Variants in GSDMC observed in about 807,000 individuals in gnomAD.
The protein encoded by GSDMC is gasdermin C, also known as gasdermin-C.
A neutral mutation model predicts 58.0 loss-of-function variants in GSDMC; 59 were observed. The ratio of observed to expected loss-of-function variants is 1.02; its 90% CI spans 0.82 to 1.26. The LOEUF is 1.26. Among genes scored for constraint, GSDMC ranks in the 50% most tolerant of loss-of-function variants. The probability of loss-of-function intolerance (pLI) is 0.00; values close to 1 mark genes in which losing one functional copy is unlikely to be tolerated. For synonymous variants in GSDMC, 241 were observed against 220.2 expected, an observed-to-expected ratio of 1.09 and a Z score of -0.83; for missense variants, 659 against 598.5, an observed-to-expected ratio of 1.10 and a Z score of -1.06.
At chr8:129,710,555 G>A in the GSDMC span, among the ~76,000 whole-genome samples, 1 of 152,184 alleles carries the variant, frequency 6.6e-6, no homozygotes, top group African/African-American at 2.4e-5. Context: ...TGGGTGTGGA[G>A]AGAAGAGAAA....
chr8:129,755,068 G>A (rs1397436329), intron 6 of GSDMC, among the ~76,000 whole-genome samples: 2 of 152,092 alleles, frequency 1.3e-5, no homozygotes, highest in African/African-American at 4.8e-5. Flanking sequence ...TAATATTAAA[G>A]AATTTCCCAA....
chr8:129,767,183 C>T (rs1271190261), intron 3 of GSDMC, among the ~76,000 whole-genome samples: 1 of 152,154 alleles, frequency 6.6e-6, no homozygotes, highest in East Asian at 1.9e-4. Context: ...ACAGGAAAGC[C>T]AGCCAGCAAC....
intron 1 of GSDMC, among the ~76,000 whole-genome samples, chr8:129,785,243 A>G (rs2034524641): frequency 6.6e-6 from 1 of 152,160 alleles, no homozygotes; most frequent in African/African-American, 2.4e-5. Context: ...ATTCGCAACA[A>G]CATAGAGGGG....
In GSDMC at chr8:129,749,480, T is replaced by C; in HGVS notation, c.1259A>G (p.Lys420Arg). Residue 420 changes from lysine (K) to arginine (R), a missense_variant, in exon 13 of 14, where the codon AAG (lysine) becomes AGG (arginine). Transcript: ENST00000276708. The stretch of plus-strand genomic sequence containing the variant: ...CTCCTGTTGCTGAAGCAGGATCCTC[T>C]TCTCCATGGAACAGGCCAGCAAATC... ...QHDLLACSME[K>R]RILLQQQELV... 6.2e-7 allele frequency: 1 copy of C among 1,613,872 alleles called. No individual in the cohort carries two copies. The highest frequency in any genetic ancestry group is 1.1e-5 in the South Asian group (1 of 91,084).
chr8:129,710,039 G>A, the GSDMC span, among the ~76,000 whole-genome samples: 4 of 152,224 alleles, frequency 2.6e-5, no homozygotes, highest in Non-Finnish European at 5.9e-5. Context: ...CACACAGTTG[G>A]TAATTAACAA....
chr8:129,709,419 G>C, the GSDMC span, among the ~76,000 whole-genome samples: 2 of 152,034 alleles, frequency 1.3e-5, no homozygotes, highest in South Asian at 4.2e-4. Flanking sequence ...TTTCCTTTTG[G>C]CCTCAAAAGG....
intron 3 of GSDMC, 66 bp downstream of exon 3, chr8:129,776,036 T>C: frequency 8.1e-7 from 1 of 1,231,584 alleles, no homozygotes; most frequent in Non-Finnish European, 1.1e-6. Flanking sequence ...AGATGTATTT[T>C]TGTGTTCAAG....
the GSDMC span, among the ~76,000 whole-genome samples, chr8:129,720,902 G>A: frequency 2.6e-5 from 4 of 152,134 alleles, no homozygotes; most frequent in East Asian, 1.9e-4. Flanking sequence ...AAGTGCAGTG[G>A]GAAACTGAAA....
chr8:129,709,284 ACTCAGTAAGT>A, the GSDMC span, among the ~76,000 whole-genome samples: 6 of 152,146 alleles, frequency 3.9e-5, no homozygotes, highest in South Asian at 1.0e-3. Flanking sequence ...GAATTTCTAA[ACTCAGTAAGT>A]CTCAGTAGTG....
chr8:129,738,458 T>A, the GSDMC span, among the ~76,000 whole-genome samples: 4 of 152,192 alleles, frequency 2.6e-5, no homozygotes, highest in Non-Finnish European at 5.9e-5. Context: ...ATATACAACA[T>A]GGAATACTAT....
intron 6 of GSDMC, among the ~76,000 whole-genome samples, chr8:129,755,342 C>A (rs2033385606): frequency 6.6e-6 from 1 of 152,060 alleles, no homozygotes; most frequent in Non-Finnish European, 1.5e-5. Context: ...AAAAAAAAAC[C>A]TTTTATCCTA....
intron 1 of GSDMC, among the ~76,000 whole-genome samples, chr8:129,783,726 A>G (rs1247114428): frequency 6.6e-6 from 1 of 152,194 alleles, no homozygotes; most frequent in Non-Finnish European, 1.5e-5. Context: ...TTCTTCACAG[A>G]AAGAGAAAAA....
intron 1 of GSDMC, among the ~76,000 whole-genome samples, chr8:129,779,862 A>G (rs1202244297): frequency 6.6e-6 from 1 of 152,118 alleles, no homozygotes; most frequent in African/African-American, 2.4e-5. Context: ...TTTTGAGGAC[A>G]CTCAAAGGAA....
intron 1 of GSDMC, among the ~76,000 whole-genome samples, chr8:129,782,173 A>G (rs1463595317): frequency 1.3e-5 from 2 of 152,210 alleles, no homozygotes; most frequent in Non-Finnish European, 2.9e-5. Flanking sequence ...GACACAAATG[A>G]TAATGCAAAC....
intron 3 of GSDMC, among the ~76,000 whole-genome samples, chr8:129,772,156 G>A (rs78245227): frequency 0.019 from 2,940 of 151,920 alleles, 85 homozygotes; most frequent in African/African-American, 0.065. Context: ...AGCTGCTCGG[G>A]AGGCTTAGGC....
At chr8:129,749,632 T>C (rs921345511) in intron 12 of GSDMC, 107 bp from the exon 13 acceptor site, 13 of 825,938 alleles carry the variant, frequency 1.6e-5, no homozygotes, top group Admixed American at 7.7e-5. Context: ...GGCAGAGGAA[T>C]AAAACCCATT....
chr8:129,772,349 G>GT (rs2034089871), intron 3 of GSDMC, among the ~76,000 whole-genome samples: 1 of 151,218 alleles, frequency 6.6e-6, no homozygotes, highest in African/African-American at 2.4e-5. Context: ...AAACTGAGGG[G>GT]TTTTTTGAAA....
At chr8:129,739,612 T>C in the GSDMC span, among the ~76,000 whole-genome samples, 1 of 152,230 alleles carries the variant, frequency 6.6e-6, no homozygotes, top group East Asian at 1.9e-4. Flanking sequence ...GCTGACGTTG[T>C]AGCTGTCCTA....
intron 1 of GSDMC, among the ~76,000 whole-genome samples, chr8:129,780,730 C>A (rs2034379021): frequency 6.6e-6 from 1 of 152,090 alleles, no homozygotes; most frequent in African/African-American, 2.4e-5. Flanking sequence ...GTAGGAAGCA[C>A]ACAGAAAAAC....
Sources: allele counts gnomAD v4.1 joint callset (sites outside exome capture counted in the v4.1 genomes callset), GRCh38; gene constraint gnomAD v4.1.1; transcripts MANE v1.5; gene names NCBI Gene and HGNC (gene_info 2026-07-23, HGNC 2026-07-21).